GNG7: variants seen among roughly 807,000 people sequenced by gnomAD.
The protein encoded by GNG7 is guanine nucleotide-binding protein G(I)/G(S)/G(O) subunit gamma-7.
Under a neutral mutation model 4.0 loss-of-function variants are expected in GNG7, and 1 was observed. The observed-to-expected ratio is 0.25, with a 90% confidence interval of 0.09 to 1.18. The LOEUF is 1.18. Among genes scored for constraint, GNG7 ranks in the 50% most tolerant of loss-of-function variants. The pLI is 0.50. For missense variants in GNG7, 86 were observed against 91.9 expected, an observed-to-expected ratio of 0.94 and a Z score of 0.26; for synonymous variants, 34 against 36.9, an observed-to-expected ratio of 0.92 and a Z score of 0.29.
intron 2 of GNG7, among the ~76,000 whole-genome samples, chr19:2,593,005 A>G (rs991952503): frequency 2.0e-5 from 3 of 148,312 alleles, no homozygotes; most frequent in African/African-American, 7.5e-5. Context: ...GGGAAAGGAG[A>G]AGGGAAAAAA....
At chr19:2,517,250 T>G (rs1023230713) in intron 4 of GNG7, among the ~76,000 whole-genome samples, 1 of 152,082 alleles carries the variant, frequency 6.6e-6, no homozygotes, top group Non-Finnish European at 1.5e-5. Context: ...CTATCATAGC[T>G]CAATGCAGCC....
At chr19:2,674,682 C>T (rs112199342) in intron 1 of GNG7, among the ~76,000 whole-genome samples, 5,148 of 152,198 alleles carry the variant, frequency 0.034, 270 homozygotes, top group African/African-American at 0.11. Flanking sequence ...GTGATCCACC[C>T]GCCTTGGCCT....
rs867864838 is a variant in GNG7, at chr19:2,597,898, A to G, written c.-77-42710T>C. ...GCAACAGAGTGAGACTCTGTTTCAA[A>G]AAAAAAAAAAAAAAAGAAATTAAAT... is the stretch of plus-strand genomic sequence containing the variant. On this transcript the variant is annotated intron_variant, in intron 2 of 4. Transcript: ENST00000382159. Among the ~76,000 whole-genome samples the G allele has an allele frequency of 7.0e-3, 771 of 109,960 alleles. 6 individuals are homozygous for G. The highest frequency in any genetic ancestry group is 0.021 in the African/African-American group (738 of 35,036). The allele number at this position is 109,960 out of a possible 152,430, so 72.1% of individuals were successfully genotyped here.
intron 2 of GNG7, among the ~76,000 whole-genome samples, chr19:2,588,659 G>A (rs562285492): frequency 2.0e-5 from 3 of 152,280 alleles, no homozygotes; most frequent in African/African-American, 4.8e-5. Context: ...ACCTTGGCCC[G>A]TTCCGTGGGA....
intron 4 of GNG7, among the ~76,000 whole-genome samples, chr19:2,520,333 A>C (rs1202093660): frequency 6.6e-6 from 1 of 152,228 alleles, no homozygotes; most frequent in Admixed American, 6.5e-5. Flanking sequence ...GAGGACGACA[A>C]AGCGCTCTGT....
At position 2,573,998 on chromosome 19, in the gene GNG7, G is replaced by A. The variant is rs138882206; in HGVS notation, c.-77-18810C>T. Among the ~76,000 whole-genome samples the A allele has an allele frequency of 3.3e-5, 5 of 152,314 alleles. No individual in the cohort carries two copies. In the East Asian group the frequency reaches 5.8e-4, roughly 18 times the overall value. On this transcript the variant is annotated intron_variant, in intron 2 of 4. Coordinates refer to ENST00000382159, the MANE Select transcript of GNG7 (RefSeq NM_052847.3). The stretch of plus-strand genomic sequence containing the variant: ...GGACCAGCTGCTGCGAGGTACGGCC[G>A]GAGTTCTGCCGCCTCGGGGAGGCCT...
rs1397951316 is a variant in GNG7, at chr19:2,622,708, ATG to A, written c.-78+23514_-78+23515del. Among the ~76,000 whole-genome samples, 1,063 of 144,972 alleles carry A rather than the reference ATG, an allele frequency of 7.3e-3. 70 individuals are homozygous for A. The highest frequency in any genetic ancestry group is 0.026 in the African/African-American group (987 of 37,800). ...GGGGGCTTCCGGGAAGGGGAACCCA[ATG>A]CGAGCAACGCGGCAGAGAGGGAGGC... On this transcript the variant is annotated intron_variant, in intron 2 of 4. Transcript: ENST00000382159.
At chr19:2,654,899 A>T (rs1474610729) in intron 1 of GNG7, among the ~76,000 whole-genome samples, 1 of 89,140 alleles carries the variant, frequency 1.1e-5, no homozygotes, top group Non-Finnish European at 2.5e-5. Context: ...GGCACCCCCG[A>T]GTTGTGACAA....
intron 2 of GNG7, among the ~76,000 whole-genome samples, chr19:2,599,494 G>A (rs535140083): frequency 2.0e-3 from 298 of 152,038 alleles, no homozygotes; most frequent in African/African-American, 6.9e-3. Context: ...GGGCAGCCCT[G>A]CCATGCAGCC....
intron 3 of GNG7, among the ~76,000 whole-genome samples, chr19:2,523,574 C>T (rs188619848): frequency 2.0e-5 from 3 of 152,170 alleles, no homozygotes; most frequent in African/African-American, 7.2e-5. Context: ...GCCTCAACTA[C>T]GGTGATGAAT....
intron 2 of GNG7, among the ~76,000 whole-genome samples, chr19:2,615,525 C>T (rs953177101): frequency 1.5e-5 from 2 of 133,926 alleles, no homozygotes; most frequent in African/African-American, 5.7e-5. Context: ...TGCAGTGGTG[C>T]AGTCACAGCT....
At chr19:2,590,508 TCCATCCACCCAC>T (rs1222595809) in intron 2 of GNG7, among the ~76,000 whole-genome samples, 1 of 150,776 alleles carries the variant, frequency 6.6e-6, no homozygotes, top group African/African-American at 2.4e-5. Context: ...CATCCATCCA[TCCATCCACCCAC>T]CCATCCACCC....
chr19:2,631,186 C>T (rs1982149438), intron 2 of GNG7, among the ~76,000 whole-genome samples: 1 of 152,148 alleles, frequency 6.6e-6, no homozygotes, highest in Non-Finnish European at 1.5e-5. Context: ...GCCTATTCTC[C>T]CCCCTTTCAC....
At chr19:2,602,396 C>A (rs1482273981) in intron 2 of GNG7, among the ~76,000 whole-genome samples, 1 of 152,220 alleles carries the variant, frequency 6.6e-6, no homozygotes, top group Non-Finnish European at 1.5e-5. Context: ...CCTCTGCAGG[C>A]CCTGGCTCCC....
intron 2 of GNG7, among the ~76,000 whole-genome samples, chr19:2,587,719 C>T (rs1980718289): frequency 6.6e-6 from 1 of 151,970 alleles, no homozygotes; most frequent in South Asian, 2.1e-4. Flanking sequence ...CTGTCTCAGC[C>T]TCCAGGAGCT....
intron 1 of GNG7, among the ~76,000 whole-genome samples, chr19:2,649,889 C>T (rs546760786): frequency 4.6e-5 from 7 of 152,010 alleles, no homozygotes; most frequent in Non-Finnish European, 7.4e-5. Context: ...CCGGCCCCCA[C>T]GCACACCCTC....
rs911220043 is a variant in GNG7 at position 2,633,355 on chromosome 19, C to T, written c.-78+12869G>A. 1.3e-5 allele frequency among the ~76,000 whole-genome samples: 2 copies of T among 152,156 alleles called. No homozygotes were observed. Among genetic ancestry groups the T allele is most frequent in the Admixed American group, 6.5e-5 (1 of 15,272 alleles). On this transcript the variant is annotated intron_variant, in intron 2 of 4. Coordinates refer to ENST00000382159, the MANE Select transcript of GNG7 (RefSeq NM_052847.3). The surrounding 1 kb of genome is among the most constrained non-coding windows in gnomAD (Gnocchi z 5.9). ...TCTCATCATATGCGACTGTCACCGC[C>T]GTGTGTATTTTGAGTCAAAGGCGGC...
intron 2 of GNG7, among the ~76,000 whole-genome samples, chr19:2,622,233 C>T (rs1277009073): frequency 6.6e-6 from 1 of 152,122 alleles, no homozygotes; most frequent in Non-Finnish European, 1.5e-5. Flanking sequence ...GCGCCCGCCA[C>T]CACACCCGGC....
At chr19:2,673,741 T>TA (rs1460488179) in intron 1 of GNG7, among the ~76,000 whole-genome samples, 1 of 149,960 alleles carries the variant, frequency 6.7e-6, no homozygotes, top group Non-Finnish European at 1.5e-5. Context: ...AAAATGTAAA[T>TA]AAAGTGTGGA....
Sources: gnomAD v4.1 joint callset for allele counts (sites outside exome capture counted in the v4.1 genomes callset) on GRCh38, gnomAD v4.1.1 for gene constraint, Gnocchi (gnomAD v3.1) non-coding constraint, MANE v1.5 for transcripts, NCBI Gene and HGNC (gene_info 2026-07-23, HGNC 2026-07-21) for gene names.